ROPN1L: variants seen among roughly 807,000 people sequenced by gnomAD.
ROPN1L encodes the protein ropporin-1-like protein.
A neutral mutation model predicts 22.7 loss-of-function variants in ROPN1L; 23 were observed. The observed-to-expected ratio is 1.01, with a 90% CI of 0.73 to 1.43. ROPN1L has a LOEUF of 1.43. ROPN1L is among the 40% of genes most tolerant of loss of function. The pLI is 0.00. For missense variants in ROPN1L, 271 were observed against 291.5 expected (o/e 0.93, Z 0.51); for synonymous variants, 116 against 117.8 (o/e 0.98, Z 0.10).
chr5:10,443,263 C>T (rs1446626739), intron 1 of ROPN1L, among the ~76,000 whole-genome samples: 1 of 152,004 alleles, frequency 6.6e-6, no homozygotes, highest in Non-Finnish European at 1.5e-5. Context: ...ACTCTATAAC[C>T]AAAGTGAATT....
downstream of ROPN1L, among the ~76,000 whole-genome samples, chr5:10,466,287 T>A (rs568081896): frequency 1.3e-3 from 205 of 152,260 alleles, 1 homozygote; most frequent in African/African-American, 4.6e-3. Flanking sequence ...AGTGTCCATT[T>A]GGCAGCATCT....
chr5:10,458,736 C>T (rs1329082493), intron 3 of ROPN1L, among the ~76,000 whole-genome samples: 1 of 88,578 alleles, frequency 1.1e-5, no homozygotes, highest in African/African-American at 4.5e-5. Context: ...CCACCCCACC[C>T]GTGTATACCG....
intron 1 of ROPN1L, among the ~76,000 whole-genome samples, chr5:10,442,732 T>C (rs1354987208): frequency 6.6e-6 from 1 of 152,256 alleles, no homozygotes; most frequent in East Asian, 1.9e-4. Flanking sequence ...GAGCTATGTA[T>C]ACCCAGAGCT....
At chr5:10,468,607 C>T (rs1419925294), downstream of ROPN1L, among the ~76,000 whole-genome samples, 3 of 152,206 alleles carry the variant, frequency 2.0e-5, no homozygotes, top group Admixed American at 6.5e-5. Context: ...TTGCAAATAT[C>T]ATTAACTGGT....
rs762533473 is a variant in ROPN1L at position 10,442,214 on chromosome 5, C to T, written c.47C>T (p.Pro16Leu). 9.9e-6 allele frequency: 16 copies of T among 1,613,750 alleles called. No individual in the cohort carries two copies. The Middle Eastern group carries it at 6.6e-4, about 66-fold the overall frequency. ...TTCTGCGCTCAGCAGATCCACATTC[C>T]CCCGGAGCTGCCGGACATCCTGAAG... ...TMFCAQQIHI[P>L]PELPDILKQF... The change falls in exon 1 of 5, where the codon CCC becomes CTC. Residue 16 changes from proline (P) to leucine (L), a missense_variant. Transcript: ENST00000274134.
chr5:10,464,714 G>A, intron 4 of ROPN1L, 134 bp from the exon 5 acceptor site: 1 of 536,970 alleles, frequency 1.9e-6, no homozygotes, highest in Non-Finnish European at 3.3e-6. Flanking sequence ...ATTTTTGGAA[G>A]TAAGAATTAC....
chr5:10,478,860 TATCTC>T, the ROPN1L span, among the ~76,000 whole-genome samples: 49 of 152,354 alleles, frequency 3.2e-4, 1 homozygote, highest in African/African-American at 1.2e-3. Context: ...GTTTTCTACT[TATCTC>T]AGGAGCGGGA....
chr5:10,471,365 C>T lies in ROPN1L; in HGVS notation n.886-445C>T, dbSNP rs189862146. ...GTTTCACCATGTTGGCCAGGCTGGT[C>T]ACAAACTCCTGACCTCAAGTGATCC... On this transcript the variant is annotated intron_variant and non_coding_transcript_variant, in intron 4 of 4. Transcript: ENST00000510520. Among the ~76,000 whole-genome samples the T allele has an allele frequency of 1.4e-3, 220 of 151,872 alleles. 2 individuals are homozygous for T. The highest frequency in any genetic ancestry group is 5.1e-3 in the African/African-American group (210 of 41,412).
intron 3 of ROPN1L, among the ~76,000 whole-genome samples, chr5:10,452,575 T>C (rs935107062): frequency 9.2e-5 from 14 of 151,820 alleles, no homozygotes; most frequent in African/African-American, 3.4e-4. Flanking sequence ...TGACCTCAGG[T>C]GATCTGCCCG....
At chr5:10,476,545 G>C (rs1411556834), downstream of ROPN1L, among the ~76,000 whole-genome samples, 1 of 152,204 alleles carries the variant, frequency 6.6e-6, no homozygotes, top group African/African-American at 2.4e-5. Context: ...TCTGAGCTAA[G>C]GTTTCTGGAT....
At chr5:10,451,382 C>G (rs1741246612) in intron 3 of ROPN1L, among the ~76,000 whole-genome samples, 1 of 152,234 alleles carries the variant, frequency 6.6e-6, no homozygotes. Context: ...GAAGCAATGA[C>G]ATTTCTGAAG....
chr5:10,462,019 TC>T (rs367683499), intron 4 of ROPN1L, among the ~76,000 whole-genome samples: 2 of 152,170 alleles, frequency 1.3e-5, no homozygotes, highest in Admixed American at 6.5e-5. Flanking sequence ...TTTTAGGGTT[TC>T]TTTTTCCTGG....
downstream of ROPN1L, among the ~76,000 whole-genome samples, chr5:10,465,275 A>G (rs912609987): frequency 2.3e-4 from 35 of 151,408 alleles, no homozygotes; most frequent in Non-Finnish European, 4.7e-4. Context: ...CAGTGCTTTG[A>G]GAGGCCGAGG....
chr5:10,447,996 A>G (rs1374310785), intron 1 of ROPN1L, among the ~76,000 whole-genome samples: 1 of 152,202 alleles, frequency 6.6e-6, no homozygotes, highest in African/African-American at 2.4e-5. Flanking sequence ...AGTGCCAGCC[A>G]CTGCGCCAAG....
At chr5:10,461,159 C>G in intron 3 of ROPN1L, 25 bp from the exon 4 acceptor site, 2 of 1,596,286 alleles carry the variant, frequency 1.3e-6, no homozygotes, top group Non-Finnish European at 1.7e-6. Flanking sequence ...CTGTTTTTCT[C>G]CCCACCTGGC....
chr5:10,448,210 G>A (rs781251234), intron 1 of ROPN1L, 50 bp from the exon 2 acceptor site: 25 of 1,608,340 alleles, frequency 1.6e-5, no homozygotes, highest in Admixed American at 5.0e-5. Flanking sequence ...GGATCGCATA[G>A]CTGTTTTTTG....
chr5:10,451,878 T>G (rs1204318076), intron 3 of ROPN1L, among the ~76,000 whole-genome samples: 1 of 152,220 alleles, frequency 6.6e-6, no homozygotes, highest in African/African-American at 2.4e-5. Flanking sequence ...CAAATACTTT[T>G]AATTATTGGA....
chr5:10,460,003 G>A (rs956091924), intron 3 of ROPN1L, among the ~76,000 whole-genome samples: 7 of 152,326 alleles, frequency 4.6e-5, no homozygotes, highest in African/African-American at 7.2e-5. Context: ...AGTAGGCAGC[G>A]TGACCATCCA....
chr5:10,452,832 T>C (rs1405348443), intron 3 of ROPN1L, among the ~76,000 whole-genome samples: 14 of 152,178 alleles, frequency 9.2e-5, no homozygotes. Context: ...TAAAACACAA[T>C]TGAATCTGAT....
Sources: gnomAD v4.1 joint callset for allele counts (sites outside exome capture counted in the v4.1 genomes callset) on GRCh38, gnomAD v4.1.1 for gene constraint, MANE v1.5 for transcripts, NCBI Gene and HGNC (gene_info 2026-07-23, HGNC 2026-07-21) for gene names.